GPR155: variants seen among roughly 807,000 people sequenced by gnomAD.
GPR155 encodes G protein-coupled receptor 155, also known as lysosomal cholesterol signaling protein.
A neutral mutation model predicts 93.1 loss-of-function variants in GPR155; 65 were observed. The ratio of observed to expected loss-of-function variants is 0.70; its 90% CI spans 0.57 to 0.86. The LOEUF (loss-of-function observed/expected upper bound fraction) is 0.86. Among genes scored for constraint, GPR155 ranks in the 40% least tolerant of loss-of-function variants. The probability of loss-of-function intolerance (pLI) is 0.00; values close to 1 mark genes in which losing one functional copy is unlikely to be tolerated. For synonymous variants in GPR155, 319 were observed against 360.1 expected (o/e 0.89, Z 1.29); for missense variants, 838 against 1,034.8 (o/e 0.81, Z 2.61).
chr2:174,442,192 G>A lies in GPR155; in HGVS notation c.2110-9C>T. On this transcript the variant is annotated splice_polypyrimidine_tract_variant and intron_variant, in intron 13 of 15. Coordinates refer to ENST00000392552, the MANE Select transcript of GPR155 (RefSeq NM_152529.7). ...CCAAAGGAAATAAATCCCTAGGGAA[G>A]AAAACAAAGTTATTTTTTTCAGAAT... 7.9e-7 allele frequency: 1 copy of A among 1,272,202 alleles called. No homozygotes were observed. The highest frequency in any genetic ancestry group is 1.1e-6 in the Non-Finnish European group (1 of 872,132). The allele number at this position is 1,272,202 out of a possible 1,614,324, so 78.8% of individuals were successfully genotyped here.
At chr2:174,476,474 C>T (rs1446710953) in intron 2 of GPR155, among the ~76,000 whole-genome samples, 3 of 152,034 alleles carry the variant, frequency 2.0e-5, no homozygotes, top group Non-Finnish European at 4.4e-5. Flanking sequence ...TGTGGTGGCG[C>T]ACTCCCATAG....
At chr2:174,444,776 G>T (rs115232381) in intron 13 of GPR155, among the ~76,000 whole-genome samples, 533 of 152,174 alleles carry the variant, frequency 3.5e-3, no homozygotes, top group African/African-American at 0.012. Flanking sequence ...GGTTACAGGT[G>T]TGAGCCAATG....
intron 7 of GPR155, among the ~76,000 whole-genome samples, chr2:174,463,473 T>A (rs960462950): frequency 6.6e-6 from 1 of 152,212 alleles, no homozygotes; most frequent in African/African-American, 2.4e-5. Flanking sequence ...AGTGTTGGGA[T>A]TACAGGCATG....
intron 11 of GPR155, among the ~76,000 whole-genome samples, chr2:174,449,680 A>C (rs916894465): frequency 6.6e-6 from 1 of 152,178 alleles, no homozygotes; most frequent in Non-Finnish European, 1.5e-5. Context: ...CCCTGTCTCT[A>C]AAAAACTAAA....
intron 10 of GPR155, among the ~76,000 whole-genome samples, chr2:174,455,476 C>A (rs1000205208): frequency 6.6e-5 from 10 of 152,170 alleles, no homozygotes; most frequent in African/African-American, 2.4e-4. Context: ...GAAGCAGGAG[C>A]CTGATGTGGC....
Position 174,436,065 on chromosome 2 carries a change from A to G in GPR155, c.*51T>C, listed in dbSNP as rs1574686918. 1.3e-6 allele frequency: 2 copies of G among 1,493,440 alleles called. No homozygotes were observed. The highest frequency in any genetic ancestry group is 1.8e-6 in the Non-Finnish European group (2 of 1,087,018). 92.5% of individuals were successfully genotyped at this position (1,493,440 alleles called of 1,614,324 possible). ...CCCAAGGTCACCCAGCTAAAAACTA[A>G]TGAATACGCGGCTAGAATATGATTC... On this transcript the variant is annotated 3_prime_UTR_variant, in exon 16 of 16. Coordinates refer to ENST00000392552, the MANE Select transcript of GPR155 (RefSeq NM_152529.7).
At position 174,469,010 on chromosome 2, in the gene GPR155, C is replaced by A. The variant is rs768777461; in HGVS notation, c.1084G>T (p.Ala362Ser). ...ATAGTGGGAAAGGTCAGTAACCAGG[C>A]AGAAACGTACATGATGGGAGCAGAC... The part of the protein sequence containing the change: ...FVSAPIMYVS[A>S]WLLTFPTMDP... The change falls in exon 5 of 16, where the codon GCC becomes TCC. Residue 362 changes from alanine (A) to serine (S), a missense_variant. This residue lies in a region of GPR155 where 663 missense variants were observed against 790.1 expected (regional missense o/e 0.84). Coordinates refer to ENST00000392552, the MANE Select transcript of GPR155 (RefSeq NM_152529.7). 1 of 1,614,012 alleles carries A rather than the reference C, an allele frequency of 6.2e-7. No homozygotes were observed. Among genetic ancestry groups the A allele is most frequent in the Admixed American group, 1.7e-5 (1 of 60,008 alleles).
Position 174,460,132 on chromosome 2 carries a change from C to T in GPR155, c.1561-44G>A. 4 of 1,025,166 alleles carry T rather than the reference C, an allele frequency of 3.9e-6. No individual in the cohort carries two copies. In the South Asian group the frequency reaches 4.1e-5, roughly 11 times the overall value. 63.5% of individuals were successfully genotyped at this position (1,025,166 alleles called of 1,614,324 possible). A position where few individuals can be genotyped will look rare whatever the true frequency, so the allele number is the denominator to read the frequency against. On this transcript the variant is annotated intron_variant, in intron 9 of 15. Coordinates refer to ENST00000392552, the MANE Select transcript of GPR155 (RefSeq NM_152529.7). ...GATATCAGGCCACTTTTCACAACTT[C>T]ATCTTGATAATCTTAGGGCACATTT...
In GPR155 at chr2:174,433,311, G is replaced by A. The variant is rs1206002332; in HGVS notation, c.*2805C>T. ...TACCTGAAGATGCTATGGTCTAAAT[G>A]TCTGTGTCCTCCTAGAATTCTTATG... On this transcript the variant is annotated 3_prime_UTR_variant, in exon 16 of 16. Coordinates refer to ENST00000392552, the MANE Select transcript of GPR155 (RefSeq NM_152529.7). 6.6e-6 allele frequency: 1 copy of A among 152,142 alleles called. No homozygotes were observed. Among genetic ancestry groups the A allele is most frequent in the Non-Finnish European group, 1.5e-5 (1 of 68,032 alleles). 9.4% of individuals were successfully genotyped at this position (152,142 alleles called of 1,614,324 possible).
At chr2:174,475,085 G>C (rs1688118141) in intron 2 of GPR155, among the ~76,000 whole-genome samples, 1 of 151,346 alleles carries the variant, frequency 6.6e-6, no homozygotes, top group African/African-American at 2.4e-5. Flanking sequence ...CACGAGGTCA[G>C]GAGATCGAGA....
intron 1 of GPR155, 57 bp from the exon 2 acceptor site, chr2:174,482,044 T>C (rs1688341171): frequency 2.3e-6 from 2 of 858,636 alleles, no homozygotes; most frequent in South Asian, 3.3e-5. Flanking sequence ...CTAGTTGAAA[T>C]AATACACTGG....
At chr2:174,449,702 GCGGTGGCTCA>G (rs1382213769) in intron 11 of GPR155, among the ~76,000 whole-genome samples, 1 of 152,130 alleles carries the variant, frequency 6.6e-6, no homozygotes, top group Non-Finnish European at 1.5e-5. Flanking sequence ...AAGTCCGGAT[GCGGTGGCTCA>G]CGCCTGTAAT....
At chr2:174,451,020 T>C (rs1170954835) in intron 11 of GPR155, among the ~76,000 whole-genome samples, 1 of 152,074 alleles carries the variant, frequency 6.6e-6, no homozygotes, top group Non-Finnish European at 1.5e-5. Context: ...TTTAAAATAT[T>C]GTGTACAAGC....
intron 1 of GPR155, among the ~76,000 whole-genome samples, chr2:174,486,378 A>C (rs916297983): frequency 1.3e-5 from 2 of 152,142 alleles, no homozygotes; most frequent in Non-Finnish European, 2.9e-5. Context: ...AAAGGCAGCC[A>C]GGGGTCTTTG....
chr2:174,467,517 CA>C (rs1372383763), intron 5 of GPR155, among the ~76,000 whole-genome samples: 1 of 152,200 alleles, frequency 6.6e-6, no homozygotes, highest in Non-Finnish European at 1.5e-5. Flanking sequence ...TGACCAGGGC[CA>C]TGTTCTAACT....
At chr2:174,479,538 A>G (rs1349472783) in intron 2 of GPR155, among the ~76,000 whole-genome samples, 1 of 152,222 alleles carries the variant, frequency 6.6e-6, no homozygotes, top group Admixed American at 6.5e-5. Context: ...GAGGATAAAA[A>G]TATCTGCCCT....
intron 9 of GPR155, among the ~76,000 whole-genome samples, chr2:174,460,715 T>C (rs1687666653): frequency 6.6e-6 from 1 of 152,188 alleles, no homozygotes; most frequent in African/African-American, 2.4e-5. Flanking sequence ...CTGTTTCTGC[T>C]CACTTCCACG....
In GPR155 at chr2:174,436,511, G is replaced by A. The variant is rs1419775090; in HGVS notation, c.2313-95C>T. 6 of 1,172,816 alleles carry A rather than the reference G, an allele frequency of 5.1e-6. No individual in the cohort carries two copies. The East Asian group carries it at 1.2e-4, about 23-fold the overall frequency. 72.7% of individuals were successfully genotyped at this position (1,172,816 alleles called of 1,614,324 possible). On this transcript the variant is annotated intron_variant, in intron 15 of 15. Transcript: ENST00000392552. ...GCAAGAAAAAATAGAAGGAAACAAG[G>A]AAAGACAGCATGGTAGTTACAAGCA...
At chr2:174,455,813 G>A (rs1191222322) in intron 10 of GPR155, among the ~76,000 whole-genome samples, 1 of 152,156 alleles carries the variant, frequency 6.6e-6, no homozygotes, top group Non-Finnish European at 1.5e-5. Flanking sequence ...AACAAGTGCT[G>A]TCCACGTATT....
Sources: allele counts gnomAD v4.1 joint callset (sites outside exome capture counted in the v4.1 genomes callset), GRCh38; gene constraint gnomAD v4.1.1; regional missense constraint gnomAD v4.1.1; transcripts MANE v1.5; gene names NCBI Gene and HGNC (gene_info 2026-07-23, HGNC 2026-07-21).